Variants in ADGRL2 observed in about 807,000 individuals in gnomAD.
ADGRL2 encodes adhesion G protein-coupled receptor L2.
A neutral mutation model predicts 157.4 loss-of-function variants in ADGRL2; 44 were observed. The ratio of observed to expected loss-of-function variants is 0.28; its 90% CI spans 0.22 to 0.36. The LOEUF (loss-of-function observed/expected upper bound fraction) is 0.36. Ranked by LOEUF, ADGRL2 falls within the 10% of genes least tolerant of loss-of-function variation. The pLI is 1.00. For synonymous variants in ADGRL2, 585 were observed against 624.7 expected (o/e 0.94, Z 0.95); for missense variants, 1,510 against 1,768.9 (o/e 0.85, Z 2.63).
chr1:81,637,121 GGCATGAACCACT>G (rs933813880), intron 3 of ADGRL2, among the ~76,000 whole-genome samples: 1 of 152,170 alleles, frequency 6.6e-6, no homozygotes, highest in African/African-American at 2.4e-5. Context: ...TGGGATTACA[GGCATGAACCACT>G]GCACCGGGCT....
At chr1:81,971,812 A>G in intron 16 of ADGRL2, 40 bp from the exon 17 acceptor site, 4 of 1,102,730 alleles carry the variant, frequency 3.6e-6, no homozygotes, top group Non-Finnish European at 5.5e-6. Context: ...TTGAGGTTCC[A>G]TAGAAACTAC....
At chr1:81,454,101 T>C (rs2077754027) in intron 2 of ADGRL2, among the ~76,000 whole-genome samples, 1 of 152,084 alleles carries the variant, frequency 6.6e-6, no homozygotes, top group South Asian at 2.1e-4. Flanking sequence ...TTTGATGCTA[T>C]TTTGTCATTA....
At chr1:81,430,362 C>G (rs1401539146) in intron 1 of ADGRL2, among the ~76,000 whole-genome samples, 1 of 152,172 alleles carries the variant, frequency 6.6e-6, no homozygotes, top group Non-Finnish European at 1.5e-5. Flanking sequence ...GGGATTTCAA[C>G]AGGGCTAGAG....
intron 2 of ADGRL2, among the ~76,000 whole-genome samples, chr1:81,567,030 G>A (rs2080578070): frequency 6.6e-6 from 1 of 152,002 alleles, no homozygotes; most frequent in African/African-American, 2.4e-5. Context: ...ACTTCAAGGG[G>A]CAGAAATTCT....
chr1:81,489,438 TA>T (rs2078582985), intron 2 of ADGRL2, among the ~76,000 whole-genome samples: 1 of 151,744 alleles, frequency 6.6e-6, no homozygotes, highest in African/African-American at 2.4e-5. Context: ...GAAATAAGAT[TA>T]AAACAAAATA....
chr1:81,564,900 A>G (rs2080524906), intron 2 of ADGRL2, among the ~76,000 whole-genome samples: 1 of 152,214 alleles, frequency 6.6e-6, no homozygotes, highest in Non-Finnish European at 1.5e-5. Context: ...ATCCTAATTC[A>G]GGCAGAGCCT....
intron 3 of ADGRL2, among the ~76,000 whole-genome samples, chr1:81,661,345 C>T (rs2082646528): frequency 6.6e-6 from 1 of 152,162 alleles, no homozygotes. Context: ...AAACCTTAAG[C>T]ATCTTACTTT....
chr1:81,744,543 T>G (rs962291307), intron 1 of ADGRL2, among the ~76,000 whole-genome samples: 1 of 152,258 alleles, frequency 6.6e-6, no homozygotes, highest in Admixed American at 6.5e-5. Flanking sequence ...GGTGGAATTT[T>G]TATAAAGAAA....
intron 3 of ADGRL2, among the ~76,000 whole-genome samples, chr1:81,923,629 A>G (rs1345105735): frequency 1.3e-5 from 2 of 152,174 alleles, no homozygotes; most frequent in Non-Finnish European, 2.9e-5. Context: ...AGAAATGACA[A>G]CTAGTGTATA....
Position 81,923,531 on chromosome 1 carries a change from CTA to C in ADGRL2, c.288-13196_288-13195del, listed in dbSNP as rs2095036988. Among the ~76,000 whole-genome samples, 4 of 151,982 alleles carry C rather than the reference CTA, an allele frequency of 2.6e-5. No homozygotes were observed. In the South Asian group the frequency reaches 6.2e-4, roughly 24 times the overall value. On this transcript the variant is annotated intron_variant, in intron 3 of 23. Transcript: ENST00000686636. The stretch of plus-strand genomic sequence containing the variant: ...CAGAGTATCCCAAGAGTCTATGTCT[CTA>C]GCTTTTGGTCACTATTTTTTTTTTA...
At chr1:81,963,664 T>A (rs1377940000) in intron 11 of ADGRL2, among the ~76,000 whole-genome samples, 4 of 151,776 alleles carry the variant, frequency 2.6e-5, no homozygotes, top group Non-Finnish European at 5.9e-5. Flanking sequence ...CTCTATTTGA[T>A]GAATTATATG....
chr1:81,596,579 G>C (rs1010024823), intron 3 of ADGRL2: 3 of 267,868 alleles, frequency 1.1e-5, no homozygotes, highest in African/African-American at 6.7e-5. Context: ...AGAAGGAGCG[G>C]GCGGATCAGA....
chr1:81,866,220 G>T (rs192578535), intron 2 of ADGRL2, among the ~76,000 whole-genome samples: 1 of 151,574 alleles, frequency 6.6e-6, no homozygotes, highest in East Asian at 1.9e-4. Context: ...TGACTTTTTC[G>T]CATCCTTTAG....
intron 3 of ADGRL2, among the ~76,000 whole-genome samples, chr1:81,613,203 A>G (rs758251257): frequency 1.3e-5 from 2 of 152,160 alleles, no homozygotes; most frequent in African/African-American, 2.4e-5. Context: ...CTTGTCTCCT[A>G]TGGTTGTTGT....
chr1:81,986,778 A>G (rs978903289), intron 21 of ADGRL2, 123 bp from the exon 22 acceptor site: 9 of 908,626 alleles, frequency 9.9e-6, no homozygotes, highest in South Asian at 1.8e-5. Flanking sequence ...CAGATTTTCC[A>G]TTGCCAACTT....
chr1:81,404,993 T>C (rs2076827544), intron 1 of ADGRL2, among the ~76,000 whole-genome samples: 1 of 152,226 alleles, frequency 6.6e-6, no homozygotes, highest in African/African-American at 2.4e-5. Flanking sequence ...TCTAGAATAA[T>C]TTTTCAGTTA....
chr1:81,774,008 C>T (rs903014691), intron 2 of ADGRL2, among the ~76,000 whole-genome samples: 1 of 152,186 alleles, frequency 6.6e-6, no homozygotes, highest in African/African-American at 2.4e-5. Context: ...TCGCCATCTA[C>T]AAGCCAAGGA....
chr1:81,776,118 A>T (rs1003367182), intron 2 of ADGRL2, among the ~76,000 whole-genome samples: 2 of 151,956 alleles, frequency 1.3e-5, no homozygotes, highest in Non-Finnish European at 2.9e-5. Flanking sequence ...CTATCATGAT[A>T]TTACCTCTGA....
At chr1:81,377,034 T>A (rs1435908513) in intron 1 of ADGRL2, among the ~76,000 whole-genome samples, 34 of 151,820 alleles carry the variant, frequency 2.2e-4, no homozygotes, top group African/African-American at 7.5e-4. Context: ...CAAAAAAAAT[T>A]TTTTTTTAAT....
Sources: gnomAD v4.1 joint callset for allele counts (sites outside exome capture counted in the v4.1 genomes callset) on GRCh38, gnomAD v4.1.1 for gene constraint, MANE v1.5 for transcripts, NCBI Gene and HGNC (gene_info 2026-07-23, HGNC 2026-07-21) for gene names.